The following NIN variants were observed in gnomAD, a reference collection of about 807,000 sequenced individuals.
NIN encodes the protein ninein.
In NIN, 137 loss-of-function variants were observed where a neutral mutation model predicts 257.6. The ratio of observed to expected loss-of-function variants is 0.53; its 90% CI spans 0.46 to 0.61. NIN has a LOEUF of 0.61. Ranked by LOEUF, NIN falls within the 20% of genes least tolerant of loss-of-function variation. The probability of loss-of-function intolerance (pLI) is 0.00; values close to 1 mark genes in which losing one functional copy is unlikely to be tolerated. For missense variants in NIN, 2,439 were observed against 2,501.2 expected (o/e 0.98, Z 0.53); for synonymous variants, 918 against 919.8 (o/e 1.00, Z 0.04).
At position 50,741,689 on chromosome 14, in the gene NIN, G is replaced by A; in HGVS notation, c.5341C>T (p.Gln1781Ter). The A allele has an allele frequency of 6.2e-7, 1 of 1,614,044 alleles. No individual in the cohort carries two copies. Among genetic ancestry groups the A allele is most frequent in the Non-Finnish European group, 8.5e-7 (1 of 1,179,980 alleles). Residue 1781 changes from glutamine (Q) to a stop codon, truncating the protein, a stop_gained, in exon 25 of 31, where the codon CAA becomes TAA. Transcript: ENST00000530997. LOFTEE classifies it high-confidence loss of function. Reference protein sequence around the residue: ...LEDTVQNVNLQMSRMKSDLRV... With the variant: ...LEDTVQNVNL ...AGGTCAGATTTCATCCGGGACATTTGCAGGTTTACATTCTGCACGGTGTCT... is the reference window on the plus strand; with the variant it reads ...AGGTCAGATTTCATCCGGGACATTTACAGGTTTACATTCTGCACGGTGTCT...
chr14:50,824,835 T>A lies in NIN; in HGVS notation c.-21-2758A>T, dbSNP rs533824478. 3.3e-5 allele frequency among the ~76,000 whole-genome samples: 5 copies of A among 152,240 alleles called. No homozygotes were observed. The East Asian group carries it at 7.7e-4, about 24-fold the overall frequency. Reference sequence around the variant, plus strand: ...CACCTACACACCTCCACTTCCCCCATCCCACCCTTTCTCAAAGGCATTTTC... The same window carrying A: ...CACCTACACACCTCCACTTCCCCCAACCCACCCTTTCTCAAAGGCATTTTC... On this transcript the variant is annotated intron_variant, in intron 2 of 30. Transcript: ENST00000530997.
intron 30 of NIN, chr14:50,724,185 C>T (rs1320523501): frequency 5.1e-6 from 1 of 197,564 alleles, no homozygotes; most frequent in Non-Finnish European, 1.0e-5. Context: ...TTTTGTTTTG[C>T]ATGGGGCCTT....
In NIN at chr14:50,766,382, A is replaced by T. The variant is rs774537882; in HGVS notation, c.1560T>A (p.Asp520Glu). ...NVLAEKFGDL[D>E]PSSAEFFLQE... The stretch of plus-strand genomic sequence containing the variant: ...GCAGGAAGAACTCAGCACTGCTAGG[A>T]TCGAGGTCACCAAACTAGAAGGGGA... Residue 520 changes from aspartate (D) to glutamate (E), a missense_variant, in exon 14 of 31, where the codon GAT becomes GAA. Coordinates refer to ENST00000530997, the MANE Select transcript of NIN (RefSeq NM_020921.4). 6.2e-7 allele frequency: 1 copy of T among 1,614,182 alleles called. No individual in the cohort carries two copies. The highest frequency in any genetic ancestry group is 1.1e-5 in the South Asian group (1 of 91,090).
intron 27 of NIN, among the ~76,000 whole-genome samples, chr14:50,736,715 C>T (rs1318955129): frequency 2.0e-5 from 3 of 152,114 alleles, no homozygotes; most frequent in Admixed American, 2.0e-4. Flanking sequence ...CTTGAATGTA[C>T]CTGAAATTAA....
Position 50,760,266 on chromosome 14 carries a change from T to C in NIN, c.1990A>G (p.Thr664Ala), listed in dbSNP as rs2042222600. 6.8e-6 allele frequency: 11 copies of C among 1,611,026 alleles called. No homozygotes were observed. Among genetic ancestry groups the C allele is most frequent in the African/African-American group, 1.3e-5 (1 of 74,892 alleles). ...AGGTCACTTATTTGTTTTTCTAAGG[T>C]GTGCGTTTCGTTCTCATGCCTTTGC... is the stretch of plus-strand genomic sequence containing the variant. The part of the protein sequence containing the change: ...MKQRHENETH[T>A]LEKQISDLKN... The change falls in exon 17 of 31, where the codon ACC becomes GCC. Residue 664 changes from threonine (T) to alanine (A), a missense_variant. Transcript: ENST00000530997.
In NIN at chr14:50,772,468, A is replaced by C. The variant is rs1385111988; in HGVS notation, c.814T>G (p.Ser272Ala). The change falls in exon 9 of 31, where the codon TCT becomes GCT. Residue 272 changes from serine to alanine, a missense_variant and splice_region_variant. Ser to Ala is a moderately conservative substitution (Grantham distance 99, BLOSUM62 1). Transcript: ENST00000530997. ...RQLKRHLSMQ[S>A]FDESGRRTTT... Reference sequence around the variant, plus strand: ...GTACGTCGTCCACTCTCATCGAAAGACTGGAAGGAGGAAGAGACTTGAGTA... The same window carrying C: ...GTACGTCGTCCACTCTCATCGAAAGCCTGGAAGGAGGAAGAGACTTGAGTA... 6.2e-7 allele frequency: 1 copy of C among 1,613,996 alleles called. No individual in the cohort carries two copies. Among genetic ancestry groups the C allele is most frequent in the Middle Eastern group, 1.7e-4 (1 of 6,058 alleles).
At chr14:50,738,422 T>C (rs1373189518) in intron 26 of NIN, 136 bp from the exon 27 acceptor site, 1 of 753,898 alleles carries the variant, frequency 1.3e-6, no homozygotes, top group Non-Finnish European at 2.1e-6. Context: ...TGTAAATACT[T>C]GAAGCTAGCT....
At chr14:50,743,569 G>T in intron 23 of NIN, 40 bp from the exon 24 acceptor site, 1 of 1,219,680 alleles carries the variant, frequency 8.2e-7, no homozygotes, top group Non-Finnish European at 1.2e-6. Context: ...GGGCATTTTT[G>T]CAAACATAGC....
chr14:50,757,931 C>T lies in NIN; in HGVS notation c.3099G>A (p.Gln1033=), dbSNP rs545955894. 1 of 1,614,216 alleles carries T rather than the reference C, an allele frequency of 6.2e-7. No individual in the cohort carries two copies. Among genetic ancestry groups the T allele is most frequent in the East Asian group, 2.2e-5 (1 of 44,880 alleles). Residue 1033 remains glutamine (Q), a synonymous_variant, in exon 18 of 31, where the codon CAG becomes CAA. Transcript: ENST00000530997. ...QQATSPLSML[Q]SGCQVIGEEE... ...CCTCTCCTATCACCTGGCAACCACT[C>T]TGAAGCATTGAGAGAGGAGATGTTG...
At chr14:50,766,716 G>T in intron 13 of NIN, 64 bp downstream of exon 13, 2 of 1,151,390 alleles carry the variant, frequency 1.7e-6, no homozygotes, top group South Asian at 1.3e-5. Flanking sequence ...CATTGCTCCT[G>T]TTCTTTTGAG....
chr14:50,765,017 G>T (rs998440365), intron 14 of NIN, among the ~76,000 whole-genome samples: 4 of 146,578 alleles, frequency 2.7e-5, no homozygotes, highest in Admixed American at 1.4e-4. Context: ...CTGAGGTCAG[G>T]AGTTCAAGAC....
At chr14:50,741,914 A>G in intron 24 of NIN, 186 bp from the exon 25 acceptor site, 1 of 543,650 alleles carries the variant, frequency 1.8e-6, no homozygotes, top group Non-Finnish European at 3.2e-6. Context: ...ATGTTAAATT[A>G]TATTTAGGAC....
chr14:50,816,838 C>T (rs1360860413), intron 3 of NIN, among the ~76,000 whole-genome samples: 3 of 152,200 alleles, frequency 2.0e-5, no homozygotes, highest in Non-Finnish European at 4.4e-5. Flanking sequence ...CCTGCCTGTT[C>T]TAAGTCCAGG....
At chr14:50,732,885 G>A (rs1238009733) in intron 28 of NIN, among the ~76,000 whole-genome samples, 2 of 151,386 alleles carry the variant, frequency 1.3e-5, no homozygotes, top group African/African-American at 2.4e-5. Flanking sequence ...ATGCCACGGC[G>A]CCCGGCCAAT....
At position 50,766,343 on chromosome 14, in the gene NIN, C is replaced by T; in HGVS notation, c.1599G>A (p.Leu533=). Residue 533 remains leucine, a synonymous_variant, in exon 14 of 31, where the codon CTG becomes CTA. Coordinates refer to ENST00000530997, the MANE Select transcript of NIN (RefSeq NM_020921.4). ...GCTCATATTCATTTCTCATCTGTGT[C>T]AGTCTCTCTTCTTGCAGGAAGAACT... is the stretch of plus-strand genomic sequence containing the variant. ...SAEFFLQEER[L]TQMRNEYERQ... 6.2e-7 allele frequency: 1 copy of T among 1,614,102 alleles called. No individual in the cohort carries two copies. The highest frequency in any genetic ancestry group is 1.1e-5 in the South Asian group (1 of 91,068).
At chr14:50,740,551 T>C (rs1258756952) in intron 25 of NIN, among the ~76,000 whole-genome samples, 1 of 152,080 alleles carries the variant, frequency 6.6e-6, no homozygotes, top group East Asian at 1.9e-4. Flanking sequence ...GGTTTCAACA[T>C]GTTGGGCAGG....
intron 24 of NIN, among the ~76,000 whole-genome samples, chr14:50,742,778 G>GA (rs1194739209): frequency 6.6e-6 from 1 of 152,064 alleles, no homozygotes; most frequent in East Asian, 1.9e-4. Context: ...TTCATAAAGG[G>GA]AATGTTGATA....
At position 50,735,444 on chromosome 14, in the gene NIN, C is replaced by G. The variant is rs140679633; in HGVS notation, c.5877+72G>C. 2.0e-4 allele frequency: 311 copies of G among 1,545,614 alleles called. No individual in the cohort carries two copies. In the African/African-American group the frequency reaches 3.7e-3, roughly 19 times the overall value. Reference sequence around the variant, plus strand: ...ACGGGAATTCAATGCCATGTCTAGTCTCTCCCAACAAATACCTCATTCATG... The same window carrying G: ...ACGGGAATTCAATGCCATGTCTAGTGTCTCCCAACAAATACCTCATTCATG... On this transcript the variant is annotated intron_variant, in intron 28 of 30. Transcript: ENST00000530997.
rs12433206 is a variant in NIN at position 50,755,781 on chromosome 14, C to T, written c.4538+711G>A. Among the ~76,000 whole-genome samples, 259 of 151,572 alleles carry T rather than the reference C, an allele frequency of 1.7e-3. 2 individuals carry two copies. The highest frequency in any genetic ancestry group is 3.1e-3 in the Non-Finnish European group (213 of 67,916). ...TCAAGCTCAAGCAACCCTCCCACCT[C>T]GGCCTCCCAAGTAGCTGGGACCACA... is the stretch of plus-strand genomic sequence containing the variant. On this transcript the variant is annotated intron_variant, in intron 18 of 30. Coordinates refer to ENST00000530997, the MANE Select transcript of NIN (RefSeq NM_020921.4).
Sources: allele counts gnomAD v4.1 joint callset (sites outside exome capture counted in the v4.1 genomes callset), GRCh38; gene constraint gnomAD v4.1.1; transcripts MANE v1.5; gene names NCBI Gene and HGNC (gene_info 2026-07-23, HGNC 2026-07-21).